Variants in ATP8B1 observed in about 807,000 individuals in gnomAD.
The protein encoded by ATP8B1 is ATPase phospholipid transporting 8B1.
Under a neutral mutation model 149.9 loss-of-function variants are expected in ATP8B1, and 80 were observed. The ratio of observed to expected loss-of-function variants is 0.53; its 90% CI spans 0.45 to 0.64. ATP8B1 has a LOEUF of 0.64. ATP8B1 is among the 30% of genes least tolerant of loss of function. The pLI is 0.00. For missense variants in ATP8B1, 1,247 were observed against 1,552.6 expected (o/e 0.80, Z 3.31); for synonymous variants, 536 against 562.8 (o/e 0.95, Z 0.67).
At chr18:57,661,783 C>T (rs532021817) in intron 21 of ATP8B1, among the ~76,000 whole-genome samples, 7 of 147,590 alleles carry the variant, frequency 4.7e-5, no homozygotes, top group South Asian at 2.1e-4. Flanking sequence ...GGCACGATCT[C>T]GGCTCACTGT....
intron 12 of ATP8B1, chr18:57,688,733 A>G (rs1249486184): frequency 1.8e-6 from 1 of 550,710 alleles, no homozygotes; most frequent in East Asian, 3.3e-5. Flanking sequence ...CACCCTTATG[A>G]ATGGGATTAG....
rs367730442 is a variant in ATP8B1, at chr18:57,682,874, C to T, written c.1630+1162G>A. Among the ~76,000 whole-genome samples, 158 of 152,062 alleles carry T rather than the reference C, an allele frequency of 1.0e-3. 1 individual carries two copies. The highest frequency in any genetic ancestry group is 3.6e-3 in the African/African-American group (151 of 41,422). On this transcript the variant is annotated intron_variant, in intron 15 of 27. Transcript: ENST00000648908. ...TTTTTTTTGAGATAGGGTCTCACTCCATCACCGAAGCTGGAGGGTAATGGT... is the reference window on the plus strand; with the variant it reads ...TTTTTTTTGAGATAGGGTCTCACTCTATCACCGAAGCTGGAGGGTAATGGT...
intron 12 of ATP8B1, 115 bp from the exon 13 acceptor site, chr18:57,688,622 G>C: frequency 9.7e-7 from 1 of 1,028,358 alleles, no homozygotes; most frequent in South Asian, 1.3e-5. Flanking sequence ...GCTATGGTCT[G>C]AATGTTAGAA....
At chr18:57,734,537 A>G (rs1301668902) in intron 1 of ATP8B1, among the ~76,000 whole-genome samples, 1 of 152,152 alleles carries the variant, frequency 6.6e-6, no homozygotes, top group African/African-American at 2.4e-5. Context: ...TTTCCTTTTG[A>G]AAAATGTCTA....
chr18:57,792,454 T>A (rs933457627), intron 1 of ATP8B1, among the ~76,000 whole-genome samples: 1 of 152,008 alleles, frequency 6.6e-6, no homozygotes, highest in Non-Finnish European at 1.5e-5. Context: ...GACCGTAATA[T>A]ACATGAAAAA....
At chr18:57,679,648 C>T (rs1199189499) in intron 15 of ATP8B1, among the ~76,000 whole-genome samples, 1 of 152,124 alleles carries the variant, frequency 6.6e-6, no homozygotes, top group Admixed American at 6.5e-5. Context: ...CTCTCCTTCA[C>T]AACTGCCTCA....
At chr18:57,711,367 C>G (rs1913679193) in intron 2 of ATP8B1, among the ~76,000 whole-genome samples, 2 of 152,206 alleles carry the variant, frequency 1.3e-5, no homozygotes, top group South Asian at 4.1e-4. Flanking sequence ...CCAAATTACA[C>G]TGTTAAGAGA....
intron 1 of ATP8B1, among the ~76,000 whole-genome samples, chr18:57,766,278 C>T (rs2080211348): frequency 1.3e-5 from 2 of 152,136 alleles, no homozygotes; most frequent in South Asian, 4.2e-4. Context: ...CTCCTGACCT[C>T]AGGTGATCCA....
rs1910385669 is a variant in ATP8B1, at chr18:57,661,321, C to A, written c.2560G>T (p.Val854Leu). 4 of 1,614,038 alleles carry A rather than the reference C, an allele frequency of 2.5e-6. No individual in the cohort carries two copies. The highest frequency in any genetic ancestry group is 3.4e-6 in the Non-Finnish European group (4 of 1,180,022). Residue 854 changes from valine (V) to leucine (L), a missense_variant, in exon 22 of 28, where the codon GTG (valine) becomes TTG (leucine). Physicochemically the swap from Val to Leu is conservative, Grantham distance 32 (BLOSUM62 1). Coordinates refer to ENST00000648908, the MANE Select transcript of ATP8B1 (RefSeq NM_001374385.1). ...AKKEQRQKNF[V>L]DLACECSAVI... is the part of the protein sequence containing the mutation. ...GCGCTGCACTCGCAGGCCAGGTCCA[C>A]AAAGTTTTTCTGCCGCTGCTCTTTC... is the stretch of plus-strand genomic sequence containing the variant.
At chr18:57,752,898 G>A (rs758288055) in intron 1 of ATP8B1, among the ~76,000 whole-genome samples, 8 of 152,204 alleles carry the variant, frequency 5.3e-5, no homozygotes, top group Non-Finnish European at 1.0e-4. Context: ...CAAGCTCAGA[G>A]TTCAAGGCTG....
At chr18:57,731,389 A>G in intron 2 of ATP8B1, 1 of 360,842 alleles carries the variant, frequency 2.8e-6, no homozygotes, top group South Asian at 2.5e-5. Context: ...ACACTAACAA[A>G]GACCTTAATG....
chr18:57,788,840 G>A (rs2080434600), intron 1 of ATP8B1, among the ~76,000 whole-genome samples: 1 of 152,180 alleles, frequency 6.6e-6, no homozygotes, highest in Non-Finnish European at 1.5e-5. Context: ...CATCTCCTGG[G>A]CTTGTTTCCC....
intron 1 of ATP8B1, among the ~76,000 whole-genome samples, chr18:57,800,692 A>T (rs1025832062): frequency 6.6e-6 from 1 of 152,246 alleles, no homozygotes; most frequent in East Asian, 1.9e-4. Context: ...CAACAATCCA[A>T]AGAGATTGAT....
intron 2 of ATP8B1, among the ~76,000 whole-genome samples, chr18:57,716,145 T>C (rs2079580951): frequency 6.6e-6 from 1 of 152,078 alleles, no homozygotes; most frequent in Non-Finnish European, 1.5e-5. Flanking sequence ...TAATGAGTTA[T>C]TAGACAGTAC....
chr18:57,778,212 G>C (rs529363422), intron 1 of ATP8B1, among the ~76,000 whole-genome samples: 1 of 143,086 alleles, frequency 7.0e-6, no homozygotes, highest in African/African-American at 2.6e-5. Context: ...TATAATCTCA[G>C]TTTCTTTTTC....
chr18:57,648,216 C>T lies in ATP8B1; in HGVS notation c.*272G>A, dbSNP rs1909307063. On this transcript the variant is annotated 3_prime_UTR_variant, in exon 28 of 28. Transcript: ENST00000648908. ...GGCTGGGCTGGTCTCGAACTCCTGG[C>T]CTCAGGTGATCTCCCCTCCTCAGCC... 7.4e-6 allele frequency: 4 copies of T among 544,008 alleles called. No individual in the cohort carries two copies. The Admixed American group carries it at 9.1e-5, about 12-fold the overall frequency. The allele number at this position is 544,008 out of a possible 1,614,324, so 33.7% of individuals were successfully genotyped here.
chr18:57,672,885 A>ATAT (rs1568189091), intron 16 of ATP8B1, among the ~76,000 whole-genome samples: 2 of 23,340 alleles, frequency 8.6e-5, no homozygotes, highest in African/African-American at 2.7e-4. Flanking sequence ...AAAAAAAAAA[A>ATAT]GTATATATAT....
At chr18:57,713,725 A>G (rs1047883622) in intron 2 of ATP8B1, among the ~76,000 whole-genome samples, 1 of 65,266 alleles carries the variant, frequency 1.5e-5, no homozygotes, top group African/African-American at 5.9e-5. Context: ...CCTGACCTCA[A>G]GTGTTCCACC....
At chr18:57,683,363 T>C (rs909101086) in intron 15 of ATP8B1, among the ~76,000 whole-genome samples, 6 of 152,218 alleles carry the variant, frequency 3.9e-5, no homozygotes, top group Non-Finnish European at 5.9e-5. Context: ...TGTGTGTCTA[T>C]ATAATTTATC....
Sources: gnomAD v4.1 joint callset for allele counts (sites outside exome capture counted in the v4.1 genomes callset) on GRCh38, gnomAD v4.1.1 for gene constraint, MANE v1.5 for transcripts, NCBI Gene and HGNC (gene_info 2026-07-23, HGNC 2026-07-21) for gene names.